Variants in TWNK observed in about 807,000 individuals in gnomAD.
TWNK encodes twinkle mtDNA helicase.
In TWNK, 36 loss-of-function variants were observed where a neutral mutation model predicts 58.2. The ratio of observed to expected loss-of-function variants is 0.62; its 90% CI spans 0.47 to 0.82. The LOEUF is 0.82. Ranked by LOEUF, TWNK falls within the 40% of genes least tolerant of loss-of-function variation. The pLI, the probability that TWNK is intolerant of heterozygous loss-of-function variation, is 0.00. For synonymous variants in TWNK, 349 were observed against 348.5 expected (o/e 1.00, Z -0.02); for missense variants, 714 against 881.0 (o/e 0.81, Z 2.40).
chr10:100,992,359 A>G (rs1851804099), intron 4 of TWNK, among the ~76,000 whole-genome samples: 1 of 148,886 alleles, frequency 6.7e-6, no homozygotes, highest in Non-Finnish European at 1.5e-5. Flanking sequence ...GACTACAGGC[A>G]TGTGCCACCA....
At position 100,988,317 on chromosome 10, in the gene TWNK, C is replaced by T. The variant is rs954019330; in HGVS notation, c.107C>T (p.Pro36Leu). 2 of 1,614,120 alleles carry T rather than the reference C, an allele frequency of 1.2e-6. No individual in the cohort carries two copies. The highest frequency in any genetic ancestry group is 2.7e-5 in the African/African-American group (2 of 74,944). The change falls in exon 1 of 5, where the codon CCT becomes CTT. Residue 36 changes from proline to leucine, a missense_variant. Transcript: ENST00000311916. The surrounding 1 kb of genome is among the most constrained non-coding windows in gnomAD (Gnocchi z 5.2). Reference sequence around the variant, plus strand: ...CCCCGAAACTTGGCCCCAGGCCCTCCTCGCAGACGTTACAGGAAGGAGACT... The same window carrying T: ...CCCCGAAACTTGGCCCCAGGCCCTCTTCGCAGACGTTACAGGAAGGAGACT... ...GLPRNLAPGP[P>L]RRRYRKETLQ...
rs769546687 is a variant in TWNK, at chr10:100,990,491, A to G, written c.1540A>G (p.Ile514Val). 1 of 1,614,174 alleles carries G rather than the reference A, an allele frequency of 6.2e-7. No individual in the cohort carries two copies. The highest frequency in any genetic ancestry group is 1.7e-5 in the Admixed American group (1 of 60,028). The change falls in exon 3 of 5, where the codon ATC becomes GTC. Residue 514 changes from isoleucine to valine, a missense_variant. Physicochemically the swap from Ile to Val is conservative, Grantham distance 29 (BLOSUM62 3). Transcript: ENST00000311916. The stretch of plus-strand genomic sequence containing the variant: ...CTACGTCTATGACATTTGTCATGTG[A>G]TCATCGACAACCTGCAGTTCATGAT... The part of the protein sequence containing the change: ...AVYVYDICHV[I>V]IDNLQFMMGH...
In TWNK at chr10:100,994,242, C is replaced by G. The variant is rs917417275; in HGVS notation, c.*732C>G. ...ATCAGGGCCTCACTGGTGGGAGCTG[C>G]CTCGGGCTGGGTTGCTTGGTCATAG... On this transcript the variant is annotated 3_prime_UTR_variant, in exon 5 of 5. Coordinates refer to ENST00000311916, the MANE Select transcript of TWNK (RefSeq NM_021830.5). The G allele has an allele frequency of 6.6e-6, 1 of 152,494 alleles. No homozygotes were observed. Among genetic ancestry groups the G allele is most frequent in the African/African-American group, 2.4e-5 (1 of 41,452 alleles). 9.4% of individuals were successfully genotyped at this position (152,494 alleles called of 1,614,324 possible).
rs1235084939 is a variant in TWNK at position 100,993,557 on chromosome 10, G to A, written c.*47G>A. On this transcript the variant is annotated 3_prime_UTR_variant, in exon 5 of 5. Coordinates refer to ENST00000311916, the MANE Select transcript of TWNK (RefSeq NM_021830.5). ...TGAAATGAGCCTGATAGGATAGGCT[G>A]GAGCATAAAACTCTGCAAGGGCTCC... 1 of 1,597,212 alleles carries A rather than the reference G, an allele frequency of 6.3e-7. No individual in the cohort carries two copies. The highest frequency in any genetic ancestry group is 8.6e-7 in the Non-Finnish European group (1 of 1,166,706).
chr10:100,991,559 A>G (rs559230814), intron 4 of TWNK, among the ~76,000 whole-genome samples: 3 of 152,314 alleles, frequency 2.0e-5, no homozygotes, highest in Non-Finnish European at 4.4e-5. Context: ...TGGAACAAAC[A>G]TGGAGCTGGG....
Position 100,988,562 on chromosome 10 carries a change from G to A in TWNK, c.352G>A (p.Ala118Thr), listed in dbSNP as rs1408541671. The A allele has an allele frequency of 1.2e-6, 2 of 1,614,052 alleles. No homozygotes were observed. The highest frequency in any genetic ancestry group is 3.3e-5 in the Admixed American group (2 of 60,036). ...TGHFLCMTSL[A>T]EGSWEDFQAS... is the part of the protein sequence containing the mutation. ...CCACTTTCTCTGCATGACCAGCCTAGCAGAAGGGAGCTGGGAAGACTTCCA... is the reference window on the plus strand; with the variant it reads ...CCACTTTCTCTGCATGACCAGCCTAACAGAAGGGAGCTGGGAAGACTTCCA... Residue 118 changes from alanine (A) to threonine (T), a missense_variant, in exon 1 of 5, where the codon GCA becomes ACA. Ala to Thr is a moderately conservative substitution (Grantham distance 58). Transcript: ENST00000311916. This position sits in a 1 kb window ranked among gnomAD's most constrained non-coding sequence, Gnocchi z 5.2.
rs141315771 is a variant in TWNK, at chr10:100,993,257, G to A, written c.1802G>A (p.Arg601Gln). ...AAGCTGGTAACCGGGCCAGGGAAAC[G>A]GTATCTGCAGGTGTCCAAGAACCGC... ...DRKLVTGPGK[R>Q]YLQVSKNRFD... is the part of the protein sequence containing the mutation. Residue 601 changes from arginine to glutamine, a missense_variant, in exon 5 of 5, where the codon CGG becomes CAG. Coordinates refer to ENST00000311916, the MANE Select transcript of TWNK (RefSeq NM_021830.5). 4.3e-5 allele frequency: 70 copies of A among 1,614,080 alleles called. No individual in the cohort carries two copies. Among genetic ancestry groups the A allele is most frequent in the Non-Finnish European group, 5.6e-5 (66 of 1,180,050 alleles).
rs200279747 is a variant in TWNK, at chr10:100,989,120, A to T, written c.910A>T (p.Ile304Phe). The change falls in exon 1 of 5, where the codon ATT (isoleucine) becomes TTT (phenylalanine). Residue 304 changes from isoleucine (I) to phenylalanine (F), a missense_variant. Physicochemically the swap from Ile to Phe is conservative, Grantham distance 21. Coordinates refer to ENST00000311916, the MANE Select transcript of TWNK (RefSeq NM_021830.5). This position sits in a 1 kb window ranked among gnomAD's most constrained non-coding sequence, Gnocchi z 7.6. ...CCCTTACCTGGAACAGTTCCGGCGG[A>T]TTGTATTCTGGTTGGGGGATGACCT... is the stretch of plus-strand genomic sequence containing the variant. ...LLPYLEQFRR[I>F]VFWLGDDLRS... 2 of 1,611,800 alleles carry T rather than the reference A, an allele frequency of 1.2e-6. No individual in the cohort carries two copies. The highest frequency in any genetic ancestry group is 1.7e-6 in the Non-Finnish European group (2 of 1,178,222).
chr10:100,987,583 C>A lies in TWNK; in HGVS notation c.-628C>A. 7.7e-7 allele frequency: 1 copy of A among 1,291,098 alleles called. No individual in the cohort carries two copies. 80.0% of individuals were successfully genotyped at this position (1,291,098 alleles called of 1,614,324 possible). On this transcript the variant is annotated 5_prime_UTR_variant, in exon 1 of 5. Coordinates refer to ENST00000311916, the MANE Select transcript of TWNK (RefSeq NM_021830.5). ...GCGAGTAGCATGTGCGGGAGACTCA[C>A]GTTGCCGGCGAAGTGGGAGAGAGAA... is the stretch of plus-strand genomic sequence containing the variant.
chr10:100,989,426 C>T lies in TWNK; in HGVS notation c.1216C>T (p.Arg406Ter), dbSNP rs1427304513. The T allele has an allele frequency of 1.2e-6, 2 of 1,614,058 alleles. No homozygotes were observed. The highest frequency in any genetic ancestry group is 1.3e-5 in the African/African-American group (1 of 75,034). The part of the protein sequence containing the change: ...PDLNRILKGH[R>*]KGELTVFTGP... ...CCTCAATCGTATCTTGAAGGGACATCGAAAGGGCGAGCTGACGGTCTTCAC... is the reference window on the plus strand; with the variant it reads ...CCTCAATCGTATCTTGAAGGGACATTGAAAGGGCGAGCTGACGGTCTTCAC... Residue 406 changes from arginine (R) to a stop codon, truncating the protein, a stop_gained, in exon 1 of 5, where the codon CGA becomes TGA. Coordinates refer to ENST00000311916, the MANE Select transcript of TWNK (RefSeq NM_021830.5). LOFTEE classifies it high-confidence loss of function. The surrounding 1 kb of genome is among the most constrained non-coding windows in gnomAD (Gnocchi z 7.6).
chr10:100,990,777 A>C (rs892965703), intron 3 of TWNK, 92 bp from the exon 4 acceptor site: 14 of 1,575,922 alleles, frequency 8.9e-6, no homozygotes, highest in Middle Eastern at 1.7e-4. Flanking sequence ...GGGTTGTGGT[A>C]GTTTGTGGGG....
Position 100,989,882 on chromosome 10 carries a change from C to T in TWNK, c.1482C>T (p.Ile494=), listed in dbSNP as rs752615493. 6.2e-7 allele frequency: 1 copy of T among 1,614,204 alleles called. No individual in the cohort carries two copies. The highest frequency in any genetic ancestry group is 8.5e-7 in the Non-Finnish European group (1 of 1,180,038). The change falls in exon 2 of 5, where the codon ATC becomes ATT. Residue 494 remains isoleucine (I), a splice_region_variant and synonymous_variant. Transcript: ENST00000311916. This position sits in a 1 kb window ranked among gnomAD's most constrained non-coding sequence, Gnocchi z 7.6. ...YFMTFHGQQS[I]RTVIDTMQHA... is the part of the protein sequence containing the mutation. ...TGACTTTCCATGGACAGCAAAGCAT[C>T]AGGTGAGACTCCCAGATTCCAGCCA... is the stretch of plus-strand genomic sequence containing the variant.
rs1851677492 is a variant in TWNK, at chr10:100,988,977, G to C, written c.767G>C (p.Arg256Pro). ...NLFGLPLISR[R>P]DAEVVLTSRE... The stretch of plus-strand genomic sequence containing the variant: ...TTTGGATTACCACTGATTAGTCGTC[G>C]AGATGCTGAGGTGGTACTGACGAGT... The change falls in exon 1 of 5, where the codon CGA becomes CCA. Residue 256 changes from arginine (R) to proline (P), a missense_variant. By Grantham distance (103) the Arg-to-Pro change is moderately radical. Around this residue, in one of 3 missense-constraint regions of TWNK, gnomAD observed 348 missense variants for 388.4 expected, o/e 0.90. Transcript: ENST00000311916. This position sits in a 1 kb window ranked among gnomAD's most constrained non-coding sequence, Gnocchi z 5.2. The C allele has an allele frequency of 1.2e-6, 2 of 1,614,178 alleles. No individual in the cohort carries two copies. Among genetic ancestry groups the C allele is most frequent in the Middle Eastern group, 3.3e-4 (2 of 6,062 alleles).
Position 100,993,609 on chromosome 10 carries a change from C to A in TWNK, c.*99C>A. ...CTATCCTGTGGTCCTGAGCTGTGTG[C>A]CCTTCTCAGTCTGAGGGGCCTAACC... is the stretch of plus-strand genomic sequence containing the variant. On this transcript the variant is annotated 3_prime_UTR_variant, in exon 5 of 5. Transcript: ENST00000311916. 1 of 1,363,440 alleles carries A rather than the reference C, an allele frequency of 7.3e-7. No individual in the cohort carries two copies. The highest frequency in any genetic ancestry group is 1.0e-6 in the Non-Finnish European group (1 of 976,936). 84.5% of individuals were successfully genotyped at this position (1,363,440 alleles called of 1,614,324 possible).
intron 4 of TWNK, among the ~76,000 whole-genome samples, chr10:100,991,826 A>G (rs1199045587): frequency 3.3e-5 from 5 of 150,202 alleles, no homozygotes; most frequent in African/African-American, 1.2e-4. Flanking sequence ...TCTTGCTAAC[A>G]TGGTGAAACC....
intron 2 of TWNK, 26 bp from the exon 3 acceptor site, chr10:100,990,410 A>C (rs570436612): frequency 1.3e-6 from 2 of 1,588,974 alleles, no homozygotes; most frequent in Non-Finnish European, 1.7e-6. Flanking sequence ...ACAACTTGTC[A>C]AATTCCTTGC....
rs763748512 is a variant in TWNK at position 100,993,420 on chromosome 10, C to T, written c.1965C>T (p.Gly655=). ...CAGTGGCCAAAAAGCCCTCTTCTGG[C>T]AAAAAGGGGGCTACGACACAGAACT... ...TGPVAKKPSS[G]KKGATTQNSE... is the part of the protein sequence containing the mutation. The change falls in exon 5 of 5, where the codon GGC becomes GGT. Residue 655 remains glycine, a synonymous_variant. Transcript: ENST00000311916. 2.5e-6 allele frequency: 4 copies of T among 1,613,994 alleles called. No homozygotes were observed. The highest frequency in any genetic ancestry group is 3.4e-6 in the Non-Finnish European group (4 of 1,179,994).
intron 3 of TWNK, 138 bp from the exon 4 acceptor site, chr10:100,990,731 T>G: frequency 4.4e-6 from 7 of 1,575,434 alleles, no homozygotes; most frequent in Non-Finnish European, 6.1e-6. Context: ...TGGACAGGGA[T>G]CTGAGTGTGA....
In TWNK at chr10:100,989,558, T is replaced by C. The variant is rs1346904651; in HGVS notation, c.1244-86T>C. On this transcript the variant is annotated intron_variant, in intron 1 of 4. Transcript: ENST00000311916. This position sits in a 1 kb window ranked among gnomAD's most constrained non-coding sequence, Gnocchi z 7.6. ...AATGTTGAAAAGAAGGTTGGCCCTT[T>C]CCCCCCAGTTTTAAAGCCCTGACCT... 4 of 1,610,308 alleles carry C rather than the reference T, an allele frequency of 2.5e-6. No homozygotes were observed. Among genetic ancestry groups the C allele is most frequent in the Non-Finnish European group, 2.5e-6 (3 of 1,178,892 alleles).
Sources: gnomAD v4.1 joint callset for allele counts (sites outside exome capture counted in the v4.1 genomes callset) on GRCh38, gnomAD v4.1.1 for gene constraint, gnomAD v4.1.1 regional missense constraint, Gnocchi (gnomAD v3.1) non-coding constraint, MANE v1.5 for transcripts, NCBI Gene and HGNC (gene_info 2026-07-23, HGNC 2026-07-21) for gene names.